The following ARHGAP24 variants were observed in gnomAD, a reference collection of about 807,000 sequenced individuals.
The protein encoded by ARHGAP24 is rho GTPase-activating protein 24.
ARHGAP24 carries 50 observed loss-of-function variants against 76.4 expected under a neutral mutation model. That is an observed-to-expected ratio of 0.65 (90% confidence interval 0.52 to 0.83). The LOEUF is 0.83. Ranked by LOEUF, ARHGAP24 falls within the 40% of genes least tolerant of loss-of-function variation. The pLI is 0.00. For synonymous variants in ARHGAP24, 345 were observed against 323.3 expected (o/e 1.07, Z -0.72); for missense variants, 930 against 914.2 (o/e 1.02, Z -0.22).
intron 5 of ARHGAP24, among the ~76,000 whole-genome samples, chr4:85,954,085 A>T (rs556641799): frequency 1.1e-3 from 166 of 152,318 alleles, no homozygotes; most frequent in Admixed American, 3.6e-3. Context: ...TGGAAAACCC[A>T]TTTGACCACC....
chr4:85,971,883 A>C (rs1353502487), intron 5 of ARHGAP24, among the ~76,000 whole-genome samples, 153 bp from the exon 6 acceptor site: 1 of 152,078 alleles, frequency 6.6e-6, no homozygotes, highest in Non-Finnish European at 1.5e-5. Context: ...GGCATCTAAT[A>C]GGCATCACAT....
intron 1 of ARHGAP24, among the ~76,000 whole-genome samples, chr4:85,543,911 C>T (rs1420457431): frequency 6.6e-6 from 1 of 152,166 alleles, no homozygotes; most frequent in Non-Finnish European, 1.5e-5. Flanking sequence ...TCATCATTCA[C>T]AGAAAGCTAA....
At chr4:85,487,161 T>TAAAA (rs1723089985) in intron 1 of ARHGAP24, among the ~76,000 whole-genome samples, 1 of 137,882 alleles carries the variant, frequency 7.3e-6, no homozygotes, top group African/African-American at 2.7e-5. Flanking sequence ...TGTATATATA[T>TAAAA]ATAAATATAT....
intron 1 of ARHGAP24, among the ~76,000 whole-genome samples, chr4:85,560,855 C>G (rs1386681023): frequency 6.6e-6 from 1 of 152,102 alleles, no homozygotes; most frequent in East Asian, 1.9e-4. Flanking sequence ...GAGAATTGGT[C>G]ATGATGTCCT....
intron 1 of ARHGAP24, among the ~76,000 whole-genome samples, chr4:85,489,130 A>G (rs1051401678): frequency 1.3e-5 from 2 of 152,204 alleles, no homozygotes; most frequent in African/African-American, 4.8e-5. Context: ...TATGATCTTC[A>G]TGTGCCTGAA....
At position 85,994,631 on chromosome 4, in the gene ARHGAP24, A is replaced by G. The variant is rs1175876738; in HGVS notation, c.977A>G (p.Asp326Gly). 3 of 1,614,186 alleles carry G rather than the reference A, an allele frequency of 1.9e-6. No homozygotes were observed. Among genetic ancestry groups the G allele is most frequent in the East Asian group, 2.2e-5 (1 of 44,878 alleles). ...ATGTCAGTGATGATTAGCAAACATGATTGCCTCTTTCCCAAAGATGCAGAA... is the reference window on the plus strand; with the variant it reads ...ATGTCAGTGATGATTAGCAAACATGGTTGCCTCTTTCCCAAAGATGCAGAA... ...QLMSVMISKH[D>G]CLFPKDAELQ... is the part of the protein sequence containing the mutation. The change falls in exon 9 of 10, where the codon GAT becomes GGT. Residue 326 changes from aspartate to glycine, a missense_variant. Physicochemically the swap from Asp to Gly is moderately conservative, Grantham distance 94. Coordinates refer to ENST00000395184, the MANE Select transcript of ARHGAP24 (RefSeq NM_001025616.3).
intron 3 of ARHGAP24, chr4:85,778,720 T>C (rs1727406183): frequency 5.1e-6 from 5 of 985,426 alleles, no homozygotes; most frequent in African/African-American, 1.7e-5. Context: ...GGGAGGATAC[T>C]GACTAAGTCT....
At chr4:85,632,619 T>G (rs1721193559) in intron 2 of ARHGAP24, among the ~76,000 whole-genome samples, 2 of 149,534 alleles carry the variant, frequency 1.3e-5, no homozygotes, top group African/African-American at 5.1e-5. Context: ...ACAGTGGTGA[T>G]TTAGAATTTG....
At chr4:85,973,156 A>G (rs890846346) in intron 6 of ARHGAP24, among the ~76,000 whole-genome samples, 1 of 152,200 alleles carries the variant, frequency 6.6e-6, no homozygotes, top group Admixed American at 6.5e-5. Context: ...ACCAGCAATG[A>G]GCGCAGATTC....
At chr4:85,556,213 A>T (rs1313264980) in intron 1 of ARHGAP24, among the ~76,000 whole-genome samples, 2 of 152,056 alleles carry the variant, frequency 1.3e-5, no homozygotes, top group African/African-American at 2.4e-5. Flanking sequence ...TGCTAGAAGT[A>T]TGAGTAAAAC....
At chr4:85,632,890 T>G (rs888727508) in intron 2 of ARHGAP24, among the ~76,000 whole-genome samples, 1 of 152,028 alleles carries the variant, frequency 6.6e-6, no homozygotes, top group Non-Finnish European at 1.5e-5. Flanking sequence ...GGATGCTAAT[T>G]ACCCCAGGAA....
At position 85,948,800 on chromosome 4, in the gene ARHGAP24, C is replaced by T. The variant is rs561726953; in HGVS notation, c.599+6527C>T. 4.6e-5 allele frequency among the ~76,000 whole-genome samples: 7 copies of T among 152,170 alleles called. No homozygotes were observed. The South Asian group carries it at 1.5e-3, about 32-fold the overall frequency. On this transcript the variant is annotated intron_variant, in intron 5 of 9. Transcript: ENST00000395184. ...CTCATACCCATCATTTGGCTTTTTC[C>T]TTTAAGCCATGTTTTCTTGTCAGCA...
intron 2 of ARHGAP24, among the ~76,000 whole-genome samples, chr4:85,648,226 T>TTA (rs1434100797): frequency 2.6e-5 from 4 of 152,110 alleles, no homozygotes; most frequent in African/African-American, 9.7e-5. Context: ...TTTTCCTCAG[T>TTA]TATATCTTAC....
At chr4:85,482,256 G>T (rs1368952814) in intron 1 of ARHGAP24, among the ~76,000 whole-genome samples, 1 of 152,192 alleles carries the variant, frequency 6.6e-6, no homozygotes, top group African/African-American at 2.4e-5. Flanking sequence ...CAAGTGAAAT[G>T]TTGATGATTT....
chr4:85,746,404 C>A (rs72656275), intron 3 of ARHGAP24, among the ~76,000 whole-genome samples: 9 of 152,152 alleles, frequency 5.9e-5, no homozygotes, highest in African/African-American at 2.2e-4. Context: ...GCTCCTCTAC[C>A]AGCAAACCTC....
chr4:85,731,380 G>A (rs1725403131), intron 3 of ARHGAP24, among the ~76,000 whole-genome samples: 1 of 152,210 alleles, frequency 6.6e-6, no homozygotes, highest in South Asian at 2.1e-4. Context: ...AAGCTCTTGA[G>A]AAGAGACACC....
intron 1 of ARHGAP24, among the ~76,000 whole-genome samples, chr4:85,513,678 C>T (rs1448329460): frequency 6.6e-6 from 1 of 152,136 alleles, no homozygotes; most frequent in African/African-American, 2.4e-5. Flanking sequence ...TGTATTGGCT[C>T]ATATGAGCAA....
intron 3 of ARHGAP24, among the ~76,000 whole-genome samples, chr4:85,724,532 A>G (rs948665366): frequency 8.2e-6 from 1 of 121,850 alleles, no homozygotes; most frequent in East Asian, 2.7e-4. Context: ...TATATATAGG[A>G]ATTTTTATTT....
chr4:85,677,970 T>G lies in ARHGAP24; in HGVS notation c.181-43915T>G, dbSNP rs564605145. 2.3e-3 allele frequency among the ~76,000 whole-genome samples: 350 copies of G among 151,778 alleles called. 3 individuals carry two copies. The highest frequency in any genetic ancestry group is 3.0e-3 in the Non-Finnish European group (205 of 67,934). ...CAAGAGCATCACTTGAGTCCAGGAG[T>G]TCGAGGATGTAGTGAACTGTGATTG... On this transcript the variant is annotated intron_variant, in intron 2 of 9. Coordinates refer to ENST00000395184, the MANE Select transcript of ARHGAP24 (RefSeq NM_001025616.3).
Sources: allele counts gnomAD v4.1 joint callset (sites outside exome capture counted in the v4.1 genomes callset), GRCh38; gene constraint gnomAD v4.1.1; transcripts MANE v1.5; gene names NCBI Gene and HGNC (gene_info 2026-07-23, HGNC 2026-07-21).